Variants in VPS35L observed in about 807,000 individuals in gnomAD.
VPS35L encodes the protein VPS35 endosomal protein-sorting factor-like.
VPS35L carries 83 observed loss-of-function variants against 133.0 expected under a neutral mutation model. The ratio of observed to expected loss-of-function variants is 0.62; its 90% confidence interval spans 0.52 to 0.75. VPS35L has a LOEUF of 0.75. Ranked by LOEUF, VPS35L falls within the 30% of genes least tolerant of loss-of-function variation. The probability of loss-of-function intolerance (pLI) is 0.00; values close to 1 mark genes in which losing one functional copy is unlikely to be tolerated. For missense variants in VPS35L, 1,083 were observed against 1,206.8 expected (o/e 0.90, Z 1.52); for synonymous variants, 423 against 449.9 (o/e 0.94, Z 0.76).
intron 18 of VPS35L, among the ~76,000 whole-genome samples, chr16:19,630,916 G>A (rs2151568645): frequency 6.6e-6 from 1 of 152,230 alleles, no homozygotes; most frequent in Middle Eastern, 3.4e-3. Context: ...GGTTGAGGGA[G>A]GAGAATCGCT....
In VPS35L at chr16:19,700,432, C is replaced by G; in HGVS notation, c.2848C>G (p.Leu950Val). 6.2e-7 allele frequency: 1 copy of G among 1,614,218 alleles called. No individual in the cohort carries two copies. The highest frequency in any genetic ancestry group is 8.5e-7 in the Non-Finnish European group (1 of 1,180,034). ...KQSKQPDMTHLTELALRLPLQ... is the reference protein window; with the variant it reads ...KQSKQPDMTHVTELALRLPLQ... ...AAGCAAACAACCAGACATGACTCATCTGACGGAGCTGGCCCTCAGACTCCC... is the reference window on the plus strand; with the variant it reads ...AAGCAAACAACCAGACATGACTCATGTGACGGAGCTGGCCCTCAGACTCCC... Residue 950 changes from leucine to valine, a missense_variant, in exon 31 of 31, where the codon CTG becomes GTG. By Grantham distance (32) the Leu-to-Val change is conservative. Coordinates refer to ENST00000417362, the MANE Select transcript of VPS35L (RefSeq NM_020314.7).
At chr16:19,644,097 AT>A (rs985353074) in intron 22 of VPS35L, among the ~76,000 whole-genome samples, 13 of 151,356 alleles carry the variant, frequency 8.6e-5, no homozygotes, top group South Asian at 4.2e-4. Context: ...GCTCTTAAAA[AT>A]TTTTTTTTTA....
chr16:19,568,100 T>G (rs1272315079), intron 2 of VPS35L, among the ~76,000 whole-genome samples: 1 of 152,210 alleles, frequency 6.6e-6, no homozygotes, highest in Non-Finnish European at 1.5e-5. Flanking sequence ...AAACATTTAC[T>G]TATACTTACC....
intron 3 of VPS35L, among the ~76,000 whole-genome samples, chr16:19,571,856 T>TG (rs1412779120): frequency 6.6e-6 from 1 of 152,040 alleles, no homozygotes; most frequent in African/African-American, 2.4e-5. Context: ...ACTTTTTTTT[T>TG]TTTTTTAACT....
chr16:19,658,206 T>C (rs1318571386), intron 26 of VPS35L, among the ~76,000 whole-genome samples: 1 of 152,140 alleles, frequency 6.6e-6, no homozygotes, highest in Non-Finnish European at 1.5e-5. Context: ...GTGCCAAGCA[T>C]TGTATGGGCA....
intron 29 of VPS35L, among the ~76,000 whole-genome samples, chr16:19,692,035 T>C (rs1373438246): frequency 2.0e-5 from 3 of 151,886 alleles, no homozygotes; most frequent in African/African-American, 7.3e-5. Context: ...CCACCACACC[T>C]GGCTTATTTT....
chr16:19,630,749 T>C (rs1486166261), intron 18 of VPS35L, among the ~76,000 whole-genome samples: 1 of 152,020 alleles, frequency 6.6e-6, no homozygotes, highest in East Asian at 1.9e-4. Context: ...GGAGCCTAGG[T>C]CATGGCAGGC....
In VPS35L at chr16:19,639,776, G is replaced by A. The variant is rs1202054784; in HGVS notation, c.1699-239G>A. The stretch of plus-strand genomic sequence containing the variant: ...ACTCCTGGCCTCAAGTGATCCACCC[G>A]CCTCAGCCTCCCAAAGTGCTGGGAT... On this transcript the variant is annotated intron_variant, in intron 20 of 30. Coordinates refer to ENST00000417362, the MANE Select transcript of VPS35L (RefSeq NM_020314.7). This position sits in a 1 kb window ranked among gnomAD's most constrained non-coding sequence, Gnocchi z 4.1. 1.3e-5 allele frequency among the ~76,000 whole-genome samples: 2 copies of A among 152,068 alleles called. No homozygotes were observed. The highest frequency in any genetic ancestry group is 4.8e-5 in the African/African-American group (2 of 41,402).
rs556561172 is a variant in VPS35L at position 19,658,880 on chromosome 16, C to T, written c.2221+6790C>T. Among the ~76,000 whole-genome samples the T allele has an allele frequency of 9.9e-5, 15 of 152,132 alleles. 1 individual carries two copies. The South Asian group carries it at 3.1e-3, about 32-fold the overall frequency. ...ATTGTTGAGAGGTCTGAACTCCTGG[C>T]AAAATAGTTTTATTCAGTACGTATT... On this transcript the variant is annotated intron_variant, in intron 26 of 30. Coordinates refer to ENST00000417362, the MANE Select transcript of VPS35L (RefSeq NM_020314.7).
At chr16:19,605,394 T>C (rs554576039) in intron 9 of VPS35L, among the ~76,000 whole-genome samples, 3 of 152,214 alleles carry the variant, frequency 2.0e-5, no homozygotes, top group Non-Finnish European at 4.4e-5. Flanking sequence ...GTCTAAACTG[T>C]GTCATGTCAT....
chr16:19,643,785 TAA>T (rs35161194), intron 22 of VPS35L, among the ~76,000 whole-genome samples: 11 of 144,562 alleles, frequency 7.6e-5, no homozygotes, highest in African/African-American at 1.8e-4. Flanking sequence ...GTCTCTACTT[TAA>T]AAAAAAAAAA....
At chr16:19,678,331 C>T (rs539923058) in intron 27 of VPS35L, among the ~76,000 whole-genome samples, 1 of 152,016 alleles carries the variant, frequency 6.6e-6, no homozygotes, top group South Asian at 2.1e-4. Context: ...TTTGTTTGTT[C>T]TACTTGGGAG....
At chr16:19,651,847 A>T (rs1474381962) in intron 25 of VPS35L, 129 bp from the exon 26 acceptor site, 1 of 721,872 alleles carries the variant, frequency 1.4e-6, no homozygotes, top group African/African-American at 1.7e-5. Flanking sequence ...AAGAGGGGAA[A>T]ATGGGGCTCA....
chr16:19,630,476 G>A (rs1201752613), intron 18 of VPS35L, among the ~76,000 whole-genome samples: 1 of 151,992 alleles, frequency 6.6e-6, no homozygotes, highest in Non-Finnish European at 1.5e-5. Flanking sequence ...TGGGACTACA[G>A]GCGCCTGCCA....
chr16:19,676,269 A>G (rs1043109930), intron 27 of VPS35L, among the ~76,000 whole-genome samples: 1 of 152,116 alleles, frequency 6.6e-6, no homozygotes, highest in Non-Finnish European at 1.5e-5. Context: ...CACACACACA[A>G]AAAGAAAGGA....
intron 14 of VPS35L, among the ~76,000 whole-genome samples, chr16:19,624,765 C>T (rs750293800): frequency 2.0e-5 from 3 of 152,108 alleles, no homozygotes; most frequent in Non-Finnish European, 2.9e-5. Context: ...CCCATTTTTG[C>T]CACTTATTAG....
At chr16:19,595,291 G>A (rs1972176504) in intron 8 of VPS35L, among the ~76,000 whole-genome samples, 1 of 152,186 alleles carries the variant, frequency 6.6e-6, no homozygotes, top group African/African-American at 2.4e-5. Context: ...CACTTGCGGT[G>A]AGAGGCAGGG....
chr16:19,686,411 T>C (rs1022423155), intron 28 of VPS35L, among the ~76,000 whole-genome samples: 21 of 152,206 alleles, frequency 1.4e-4, no homozygotes, highest in Admixed American at 6.5e-4. Flanking sequence ...GCATGTTTGA[T>C]GTAGAAGTGA....
intron 1 of VPS35L, among the ~76,000 whole-genome samples, chr16:19,563,976 G>C (rs1213996157): frequency 6.6e-6 from 1 of 152,206 alleles, no homozygotes; most frequent in Non-Finnish European, 1.5e-5. Flanking sequence ...TGCCCTCAGC[G>C]GGAAAGCTGG....
Sources: gnomAD v4.1 joint callset for allele counts (sites outside exome capture counted in the v4.1 genomes callset) on GRCh38, gnomAD v4.1.1 for gene constraint, Gnocchi (gnomAD v3.1) non-coding constraint, MANE v1.5 for transcripts, NCBI Gene and HGNC (gene_info 2026-07-23, HGNC 2026-07-21) for gene names.